The following SMC6 variants were observed in gnomAD, a reference collection of about 807,000 sequenced individuals.
SMC6 encodes structural maintenance of chromosomes protein 6.
A neutral mutation model predicts 142.2 loss-of-function variants in SMC6; 79 were observed. The ratio of observed to expected loss-of-function variants is 0.56; its 90% CI spans 0.46 to 0.67. The LOEUF (loss-of-function observed/expected upper bound fraction) is 0.67. Ranked by LOEUF, SMC6 falls within the 30% of genes least tolerant of loss-of-function variation. SMC6 has a pLI of 0.00. For missense variants in SMC6, 1,072 were observed against 1,284.0 expected, an observed-to-expected ratio of 0.83 and a Z score of 2.52; for synonymous variants, 411 against 412.4, an observed-to-expected ratio of 1.00 and a Z score of 0.04.
chr2:17,713,621 A>C (rs1427805063), intron 16 of SMC6: 2 of 433,772 alleles, frequency 4.6e-6, no homozygotes, highest in Non-Finnish European at 9.7e-6. Flanking sequence ...ATTCCTCACA[A>C]CTGATGGCAT....
rs756248994 is a variant in SMC6, at chr2:17,741,708, T to G, written c.142A>C (p.Ile48Leu). The G allele has an allele frequency of 3.7e-6, 6 of 1,607,920 alleles. No homozygotes were observed. In the African/African-American group the frequency reaches 6.7e-5, roughly 18 times the overall value. Residue 48 changes from isoleucine to leucine, a missense_variant, in exon 4 of 28, where the codon ATT (isoleucine) becomes CTT (leucine). Physicochemically the swap from Ile to Leu is conservative, Grantham distance 5. This residue lies in a region of SMC6 where 994 missense variants were observed against 1,153.2 expected (regional missense o/e 0.86). Coordinates refer to ENST00000448223, the MANE Select transcript of SMC6 (RefSeq NM_001142286.2). ...TTLTAAEVGI[I>L]ESIHLKNFMC... ...AAGTTTTTTAGGTGAATACTCTCAA[T>G]TATTCCAACTTCTGCTGCAGTCTAT...
chr2:17,726,752 T>A (rs999808540), intron 7 of SMC6, among the ~76,000 whole-genome samples: 4 of 152,162 alleles, frequency 2.6e-5, no homozygotes, highest in African/African-American at 9.7e-5. Flanking sequence ...AAAAAGTGTT[T>A]TTATTATAAA....
At chr2:17,721,324 A>C (rs1669364989) in intron 9 of SMC6, 63 bp from the exon 10 acceptor site, 1 of 1,461,074 alleles carries the variant, frequency 6.8e-7, no homozygotes, top group Non-Finnish European at 9.1e-7. Flanking sequence ...CATTTTTGCA[A>C]ATCTATTTCT....
intron 9 of SMC6, among the ~76,000 whole-genome samples, chr2:17,722,736 C>G (rs1367562008): frequency 6.6e-6 from 1 of 152,188 alleles, no homozygotes; most frequent in Non-Finnish European, 1.5e-5. Context: ...CTCAAAATCT[C>G]TCTGCCCTTG....
intron 4 of SMC6, among the ~76,000 whole-genome samples, chr2:17,739,699 G>A (rs1260923718): frequency 6.6e-6 from 1 of 151,988 alleles, no homozygotes; most frequent in Non-Finnish European, 1.5e-5. Flanking sequence ...TGTGGTCCTA[G>A]CTACCTTCAA....
chr2:17,673,162 G>A (rs1666844195), intron 25 of SMC6, among the ~76,000 whole-genome samples: 1 of 152,078 alleles, frequency 6.6e-6, no homozygotes, highest in Non-Finnish European at 1.5e-5. Flanking sequence ...GACTAACAGC[G>A]CTTTTTCATG....
intron 16 of SMC6, among the ~76,000 whole-genome samples, chr2:17,709,885 C>A (rs1168015873): frequency 6.6e-6 from 1 of 152,138 alleles, no homozygotes; most frequent in Non-Finnish European, 1.5e-5. Context: ...ATCGCAAAGA[C>A]CCTAAAAGGT....
intron 21 of SMC6, among the ~76,000 whole-genome samples, chr2:17,698,636 A>T (rs558801082): frequency 4.5e-4 from 68 of 152,218 alleles, no homozygotes; most frequent in African/African-American, 1.6e-3. Context: ...AGCTATTTAT[A>T]GAGAGCATAT....
At chr2:17,740,808 C>G (rs1250644458) in intron 4 of SMC6, 1 of 368,304 alleles carries the variant, frequency 2.7e-6, no homozygotes, top group East Asian at 1.1e-4. Flanking sequence ...CGAGATCGCA[C>G]CACTGCACTC....
At chr2:17,694,321 AAGG>A (rs1258311864) in intron 23 of SMC6, among the ~76,000 whole-genome samples, 3 of 152,204 alleles carry the variant, frequency 2.0e-5, no homozygotes, top group African/African-American at 7.2e-5. Flanking sequence ...ACAACAATGT[AAGG>A]AGATTTGAAA....
intron 20 of SMC6, among the ~76,000 whole-genome samples, chr2:17,701,608 C>T (rs2124938997): frequency 6.6e-6 from 1 of 151,868 alleles, no homozygotes; most frequent in East Asian, 1.9e-4. Flanking sequence ...TGATAGGAGA[C>T]AAAATCAATT....
chr2:17,748,319 T>C (rs1482219476), intron 2 of SMC6, among the ~76,000 whole-genome samples: 1 of 152,216 alleles, frequency 6.6e-6, no homozygotes, highest in East Asian at 1.9e-4. Flanking sequence ...AGAGTTGAAT[T>C]GTTATGTAAA....
rs1168270068 is a variant in SMC6 at position 17,725,298 on chromosome 2, T to C, written c.685A>G (p.Thr229Ala). 2.5e-6 allele frequency: 4 copies of C among 1,609,714 alleles called. No individual in the cohort carries two copies. In the African/African-American group the frequency reaches 5.3e-5, roughly 22 times the overall value. Residue 229 changes from threonine (T) to alanine (A), a missense_variant, in exon 9 of 28, where the codon ACG (threonine) becomes GCG (alanine). By Grantham distance (58) the Thr-to-Ala change is moderately conservative. Around this residue, in one of 3 missense-constraint regions of SMC6, gnomAD observed 994 missense variants for 1,153.2 expected, o/e 0.86. Transcript: ENST00000448223. ...ATCTGCTCCTTTGTTCTTTCTTTCG[T>C]TTCCATAATGTATGAATAATCTTCC... ...MKEDYSYIME[T>A]KERTKEQIHQ... is the part of the protein sequence containing the mutation.
At chr2:17,689,447 C>G (rs1222486099) in intron 23 of SMC6, among the ~76,000 whole-genome samples, 1 of 151,988 alleles carries the variant, frequency 6.6e-6, no homozygotes, top group Admixed American at 6.6e-5. Context: ...TAAGATAATA[C>G]TCTTATTCTT....
chr2:17,685,603 T>G (rs1667417159), intron 23 of SMC6, among the ~76,000 whole-genome samples: 1 of 150,646 alleles, frequency 6.6e-6, no homozygotes, highest in African/African-American at 2.4e-5. Context: ...AAAAATAAAC[T>G]CCAAATAAAT....
chr2:17,672,330 A>C (rs914118961), intron 25 of SMC6, among the ~76,000 whole-genome samples: 8 of 152,218 alleles, frequency 5.3e-5, no homozygotes, highest in South Asian at 4.1e-4. Context: ...TATTCTTTTG[A>C]AAAACAGAGA....
At chr2:17,683,504 A>C (rs1667321802) in intron 24 of SMC6, 134 bp downstream of exon 24, 2 of 836,966 alleles carry the variant, frequency 2.4e-6, no homozygotes, top group Non-Finnish European at 3.5e-6. Flanking sequence ...TGTCTGATTA[A>C]ATTAGAGAAT....
chr2:17,686,148 CT>C (rs1667444763), intron 23 of SMC6, among the ~76,000 whole-genome samples: 1 of 152,036 alleles, frequency 6.6e-6, no homozygotes, highest in Non-Finnish European at 1.5e-5. Context: ...AAAAAGTATC[CT>C]TTCTCATACA....
intron 26 of SMC6, among the ~76,000 whole-genome samples, chr2:17,669,664 A>C (rs776821028): frequency 1.3e-5 from 2 of 152,176 alleles, no homozygotes; most frequent in Admixed American, 6.5e-5. Context: ...GGTAAGATTA[A>C]AGCTCATTTA....
Sources: allele counts gnomAD v4.1 joint callset (sites outside exome capture counted in the v4.1 genomes callset), GRCh38; gene constraint gnomAD v4.1.1; regional missense constraint gnomAD v4.1.1; transcripts MANE v1.5; gene names NCBI Gene and HGNC (gene_info 2026-07-23, HGNC 2026-07-21).